UGGT2: variants seen among roughly 807,000 people sequenced by gnomAD.
UGGT2 encodes the protein UDP-glucose glycoprotein glucosyltransferase 2, also known as UDP-glucose:glycoprotein glucosyltransferase 2.
UGGT2 carries 180 observed loss-of-function variants against 192.1 expected under a neutral mutation model. That is an observed-to-expected ratio of 0.94 (90% CI 0.83 to 1.06). The LOEUF (loss-of-function observed/expected upper bound fraction) is 1.06, where lower values mean the gene tolerates loss of function less well. Ranked by LOEUF, UGGT2 falls within the 50% of genes least tolerant of loss-of-function variation. UGGT2 has a pLI of 0.00. For missense variants in UGGT2, 1,849 were observed against 1,795.7 expected (o/e 1.03, Z -0.54); for synonymous variants, 580 against 591.0 (o/e 0.98, Z 0.27).
At chr13:95,852,141 A>G (rs1232070401) in intron 36 of UGGT2, among the ~76,000 whole-genome samples, 1 of 152,204 alleles carries the variant, frequency 6.6e-6, no homozygotes, top group Non-Finnish European at 1.5e-5. Flanking sequence ...ATTTTGACAT[A>G]TAATTTCCCA....
At chr13:95,835,553 G>A (rs1251990532) in intron 37 of UGGT2, among the ~76,000 whole-genome samples, 1 of 152,038 alleles carries the variant, frequency 6.6e-6, no homozygotes, top group African/African-American at 2.4e-5. Context: ...CTAACATGCT[G>A]GCATGCTATT....
chr13:95,881,338 T>G (rs1230223572), intron 27 of UGGT2, among the ~76,000 whole-genome samples: 1 of 152,156 alleles, frequency 6.6e-6, no homozygotes, highest in Non-Finnish European at 1.5e-5. Flanking sequence ...AATTTTCAAG[T>G]TTGTTAAGGT....
At chr13:95,988,090 G>A (rs2051346588) in intron 8 of UGGT2, among the ~76,000 whole-genome samples, 1 of 151,860 alleles carries the variant, frequency 6.6e-6, no homozygotes, top group Admixed American at 6.6e-5. Context: ...TCCAGGTTTT[G>A]GTAACCACTC....
intron 36 of UGGT2, among the ~76,000 whole-genome samples, chr13:95,850,801 T>C (rs1413640582): frequency 6.6e-6 from 1 of 152,264 alleles, no homozygotes; most frequent in Admixed American, 6.5e-5. Context: ...TGGGTTTGCC[T>C]TTCTTGCTCA....
intron 35 of UGGT2, among the ~76,000 whole-genome samples, chr13:95,854,041 G>C (rs554348843): frequency 1.6e-4 from 24 of 152,136 alleles, no homozygotes; most frequent in African/African-American, 5.8e-4. Context: ...ATACTAGCAG[G>C]GTAAGCCTGG....
intron 17 of UGGT2, among the ~76,000 whole-genome samples, chr13:95,931,517 C>T (rs1329793819): frequency 2.0e-5 from 3 of 149,870 alleles, no homozygotes; most frequent in Non-Finnish European, 4.5e-5. Context: ...GCTCGGGCTG[C>T]GCAAGACCCC....
At chr13:95,802,628 G>C (rs1380277177) in intron 38 of UGGT2, among the ~76,000 whole-genome samples, 4 of 152,202 alleles carry the variant, frequency 2.6e-5, no homozygotes, top group African/African-American at 9.6e-5. Flanking sequence ...CTGAAACGAT[G>C]AGTTGGCTTT....
chr13:95,900,307 G>A (rs1182848734), intron 22 of UGGT2, among the ~76,000 whole-genome samples: 2 of 152,052 alleles, frequency 1.3e-5, no homozygotes, highest in Admixed American at 6.6e-5. Context: ...TAGGGTGGTT[G>A]GAGAGTAAGA....
chr13:95,822,299 A>G (rs1885590191), intron 38 of UGGT2, among the ~76,000 whole-genome samples: 2 of 151,966 alleles, frequency 1.3e-5, no homozygotes, highest in South Asian at 4.1e-4. Flanking sequence ...TTTTCTTTGC[A>G]GCTGTTATAA....
chr13:95,906,598 G>A (rs35836619), intron 20 of UGGT2, among the ~76,000 whole-genome samples: 58,699 of 151,950 alleles, frequency 0.39, 11,519 homozygotes, highest in Middle Eastern at 0.42. Flanking sequence ...TAATAACATA[G>A]TTTACAAATT....
At chr13:95,936,843 CT>C in intron 17 of UGGT2, 80 bp downstream of exon 17, 1 of 1,263,430 alleles carries the variant, frequency 7.9e-7, no homozygotes. Flanking sequence ...ACCAAATCAA[CT>C]TCTGTCATTA....
intron 19 of UGGT2, 127 bp downstream of exon 19, chr13:95,926,901 T>C (rs1413504381): frequency 3.6e-6 from 3 of 834,644 alleles, no homozygotes; most frequent in Non-Finnish European, 5.4e-6. Context: ...ATTTACAAAC[T>C]CTAAAATTGA....
intron 2 of UGGT2, among the ~76,000 whole-genome samples, chr13:96,030,184 C>T (rs2052790836): frequency 1.3e-5 from 2 of 152,226 alleles, no homozygotes; most frequent in South Asian, 4.1e-4. Flanking sequence ...TCAAACTCAG[C>T]TCCAGCATTC....
At chr13:95,821,067 T>C (rs1367416000) in intron 38 of UGGT2, among the ~76,000 whole-genome samples, 1 of 152,162 alleles carries the variant, frequency 6.6e-6, no homozygotes, top group Non-Finnish European at 1.5e-5. Flanking sequence ...CATGTGTCTT[T>C]CTCATACAAT....
intron 1 of UGGT2, among the ~76,000 whole-genome samples, chr13:96,049,516 T>G (rs1246956627): frequency 6.6e-6 from 1 of 152,124 alleles, no homozygotes; most frequent in Non-Finnish European, 1.5e-5. Context: ...GGGTATTCAA[T>G]TAGGAAAAGA....
At position 96,015,484 on chromosome 13, in the gene UGGT2, C is replaced by T. The variant is rs191084761; in HGVS notation, c.486-2003G>A. Among the ~76,000 whole-genome samples, 337 of 152,024 alleles carry T rather than the reference C, an allele frequency of 2.2e-3. 4 individuals carry two copies. Among genetic ancestry groups the T allele is most frequent in the Middle Eastern group, 6.8e-3 (2 of 294 alleles). On this transcript the variant is annotated intron_variant, in intron 4 of 38. Transcript: ENST00000376747. ...ATAGACACATAACTTTCAAAATTTGCTTTTATGATTATTTCAGGAACTGCT... is the reference window on the plus strand; with the variant it reads ...ATAGACACATAACTTTCAAAATTTGTTTTTATGATTATTTCAGGAACTGCT...
chr13:95,846,281 CA>C (rs1888437152), intron 36 of UGGT2, among the ~76,000 whole-genome samples: 1 of 152,126 alleles, frequency 6.6e-6, no homozygotes, highest in Non-Finnish European at 1.5e-5. Flanking sequence ...GAAAACCAGT[CA>C]GGCGTGGCAG....
intron 38 of UGGT2, among the ~76,000 whole-genome samples, chr13:95,802,198 CA>C (rs1378887068): frequency 3.3e-5 from 5 of 152,118 alleles, no homozygotes; most frequent in Non-Finnish European, 7.3e-5. Flanking sequence ...CAACAGAAAG[CA>C]GAGGACATAT....
intron 38 of UGGT2, chr13:95,809,478 A>G (rs1464251184): frequency 5.7e-6 from 2 of 352,644 alleles, no homozygotes; most frequent in Non-Finnish European, 1.1e-5. Context: ...CTGGAGATTT[A>G]CCCTTTTCTG....
Sources: gnomAD v4.1 joint callset for allele counts (sites outside exome capture counted in the v4.1 genomes callset) on GRCh38, gnomAD v4.1.1 for gene constraint, MANE v1.5 for transcripts, NCBI Gene and HGNC (gene_info 2026-07-23, HGNC 2026-07-21) for gene names.